Variants in SAMMSON observed in about 807,000 individuals in gnomAD.
SAMMSON encodes the protein long intergenic non-protein coding RNA 1212.
chr3:70,033,931 T>C (rs2067075048), intron 3 of SAMMSON, among the ~76,000 whole-genome samples: 1 of 152,012 alleles, frequency 6.6e-6, no homozygotes, highest in Non-Finnish European at 1.5e-5. Context: ...GCACGCAAAA[T>C]CTGAACAGTG....
intron 4 of SAMMSON, among the ~76,000 whole-genome samples, chr3:70,242,209 T>G (rs185673485): frequency 8.9e-4 from 136 of 152,306 alleles, no homozygotes; most frequent in South Asian, 1.5e-3. Context: ...TTCCAACCTT[T>G]TTTATATGAC....
intron 9 of SAMMSON, among the ~76,000 whole-genome samples, chr3:70,385,533 TG>T (rs1703114469): frequency 6.6e-6 from 1 of 152,000 alleles, no homozygotes; most frequent in South Asian, 2.1e-4. Flanking sequence ...CTAGGCTGTG[TG>T]GGGGTGACAA....
intron 6 of SAMMSON, among the ~76,000 whole-genome samples, chr3:70,258,032 G>T (rs1427265821): frequency 6.6e-6 from 1 of 152,150 alleles, no homozygotes; most frequent in African/African-American, 2.4e-5. Flanking sequence ...TGGGGGAAAT[G>T]GAGAGTCTTT....
At chr3:70,278,227 T>C (rs1442900007) in intron 6 of SAMMSON, among the ~76,000 whole-genome samples, 1 of 152,224 alleles carries the variant, frequency 6.6e-6, no homozygotes, top group Non-Finnish European at 1.5e-5. Context: ...CAACGTTTTG[T>C]CTGAAAGATT....
At chr3:70,283,459 A>G (rs1426824969) in intron 6 of SAMMSON, among the ~76,000 whole-genome samples, 3 of 152,144 alleles carry the variant, frequency 2.0e-5, no homozygotes, top group Admixed American at 6.6e-5. Context: ...AGGGCCTTGA[A>G]GAGAGGATTT....
At chr3:70,419,789 C>A (rs1701297007) in intron 2 of SAMMSON, among the ~76,000 whole-genome samples, 1 of 152,098 alleles carries the variant, frequency 6.6e-6, no homozygotes, top group African/African-American at 2.4e-5. Flanking sequence ...CGGGTGCCTG[C>A]CACCACACCC....
At position 70,054,726 on chromosome 3, in the gene SAMMSON, C is replaced by T. The variant is rs55839032; in HGVS notation, n.418-16750C>T. 9.3e-3 allele frequency among the ~76,000 whole-genome samples: 1,421 copies of T among 152,132 alleles called. 11 individuals are homozygous for T. Among genetic ancestry groups the T allele is most frequent in the Middle Eastern group, 0.024 (7 of 294 alleles). On this transcript the variant is annotated intron_variant and non_coding_transcript_variant, in intron 3 of 9. Transcript: ENST00000642114. ...AGGCAGGCAATGTTGACTGGTGGAGCGGGCAGTGGGCAGGACAACATGGAG... is the reference window on the plus strand; with the variant it reads ...AGGCAGGCAATGTTGACTGGTGGAGTGGGCAGTGGGCAGGACAACATGGAG...
chr3:70,018,069 G>T (rs1396393929), intron 3 of SAMMSON, among the ~76,000 whole-genome samples: 1 of 152,072 alleles, frequency 6.6e-6, no homozygotes, highest in African/African-American at 2.4e-5. Context: ...TCTCTACCAG[G>T]CTTTGGTATC....
At chr3:70,053,426 A>C (rs2067153695) in intron 3 of SAMMSON, among the ~76,000 whole-genome samples, 1 of 152,112 alleles carries the variant, frequency 6.6e-6, no homozygotes, top group Non-Finnish European at 1.5e-5. Context: ...TAACACATAG[A>C]AAAGAGATCA....
At chr3:70,196,531 T>C (rs1701182569) in intron 4 of SAMMSON, among the ~76,000 whole-genome samples, 1 of 152,186 alleles carries the variant, frequency 6.6e-6, no homozygotes, top group South Asian at 2.1e-4. Flanking sequence ...AGCTAATGTA[T>C]GTCAATTCTA....
At chr3:70,290,562 C>T (rs189306851) in intron 6 of SAMMSON, among the ~76,000 whole-genome samples, 3 of 152,328 alleles carry the variant, frequency 2.0e-5, no homozygotes, top group Admixed American at 2.0e-4. Context: ...GGCAGGCAGG[C>T]CTCCTTGAGC....
At chr3:70,096,617 T>C (rs1242842109) in intron 4 of SAMMSON, among the ~76,000 whole-genome samples, 1 of 152,198 alleles carries the variant, frequency 6.6e-6, no homozygotes, top group East Asian at 1.9e-4. Flanking sequence ...CTGTGACCTT[T>C]TGTTCACAAG....
At chr3:70,261,089 A>G (rs924388696) in intron 6 of SAMMSON, among the ~76,000 whole-genome samples, 5 of 152,210 alleles carry the variant, frequency 3.3e-5, no homozygotes, top group Admixed American at 3.3e-4. Flanking sequence ...TTAAAGTTCA[A>G]TTCCATTAAT....
At chr3:70,183,706 T>C (rs558908547) in intron 4 of SAMMSON, 2 of 152,304 alleles carry the variant, frequency 1.3e-5, no homozygotes, top group African/African-American at 4.8e-5. Flanking sequence ...AGTCATCACA[T>C]AGTGGCATCA....
rs1390609487 is a variant in SAMMSON at position 70,289,629 on chromosome 3, C to A, written n.675-1550C>A. On this transcript the variant is annotated intron_variant and non_coding_transcript_variant, in intron 6 of 9. Transcript: ENST00000642114. The stretch of plus-strand genomic sequence containing the variant: ...CCTGCCTTGCTAGATTGGGGAAATT[C>A]TCCTGGATAATATCCTGCAGAGTGT... 7.6e-3 allele frequency among the ~76,000 whole-genome samples: 1,144 copies of A among 151,290 alleles called. 15 individuals are homozygous for A. Among genetic ancestry groups the A allele is most frequent in the African/African-American group, 0.027 (1,102 of 41,322 alleles).
intron 7 of SAMMSON, among the ~76,000 whole-genome samples, chr3:70,299,718 T>C (rs369201108): frequency 1.3e-5 from 2 of 152,270 alleles, no homozygotes; most frequent in South Asian, 2.1e-4. Context: ...TCTACCCTTC[T>C]AGTCCATCTT....
chr3:70,424,607 C>A (rs966850428), intron 2 of SAMMSON, among the ~76,000 whole-genome samples: 1 of 151,840 alleles, frequency 6.6e-6, no homozygotes, highest in Admixed American at 6.6e-5. Flanking sequence ...AAATAAAATA[C>A]GGCTTTTATT....
intron 4 of SAMMSON, among the ~76,000 whole-genome samples, chr3:70,221,912 A>C (rs1025370569): frequency 1.3e-5 from 2 of 152,180 alleles, no homozygotes; most frequent in Admixed American, 1.3e-4. Context: ...ATAGATAATG[A>C]GTGTTAGTAC....
At chr3:70,433,956 T>C (rs1701436439) in intron 2 of SAMMSON, among the ~76,000 whole-genome samples, 1 of 152,202 alleles carries the variant, frequency 6.6e-6, no homozygotes, top group African/African-American at 2.4e-5. Context: ...TGACTATATT[T>C]ATGCAGGTAA....
Sources: gnomAD v4.1 joint callset for allele counts (sites outside exome capture counted in the v4.1 genomes callset) on GRCh38, gnomAD v4.1.1 for gene constraint, MANE v1.5 for transcripts, NCBI Gene and HGNC (gene_info 2026-07-23, HGNC 2026-07-21) for gene names.